Variants in ASAP1 observed in about 807,000 individuals in gnomAD.
ASAP1 encodes the protein arf-GAP with SH3 domain, ANK repeat and PH domain-containing protein 1.
In ASAP1, 43 loss-of-function variants were observed where a neutral mutation model predicts 145.2. That is an observed-to-expected ratio of 0.30 (90% confidence interval 0.23 to 0.38). ASAP1 has a LOEUF of 0.38. Ranked by LOEUF, ASAP1 falls within the 10% of genes least tolerant of loss-of-function variation. ASAP1 has a pLI of 1.00. For synonymous variants in ASAP1, 546 were observed against 515.5 expected (o/e 1.06, Z -0.80); for missense variants, 1,018 against 1,355.3 (o/e 0.75, Z 3.91).
At chr8:130,203,691 G>A (rs1358178655) in intron 5 of ASAP1, among the ~76,000 whole-genome samples, 1 of 152,210 alleles carries the variant, frequency 6.6e-6, no homozygotes, top group Non-Finnish European at 1.5e-5. Flanking sequence ...GGAAAGAAGT[G>A]GAAGAAGTGA....
intron 3 of ASAP1, among the ~76,000 whole-genome samples, chr8:130,272,708 T>C (rs2137088180): frequency 6.6e-6 from 1 of 152,328 alleles, no homozygotes; most frequent in South Asian, 2.1e-4. Flanking sequence ...ATGACATGGA[T>C]AGAACTGGAT....
chr8:130,129,576 C>G (rs529780293), intron 15 of ASAP1, among the ~76,000 whole-genome samples: 1 of 152,238 alleles, frequency 6.6e-6, no homozygotes, highest in East Asian at 1.9e-4. Flanking sequence ...TCTCAACAGA[C>G]AATACAGAGG....
At chr8:130,220,850 G>C (rs1817250176) in intron 4 of ASAP1, among the ~76,000 whole-genome samples, 1 of 152,142 alleles carries the variant, frequency 6.6e-6, no homozygotes, top group Non-Finnish European at 1.5e-5. Flanking sequence ...GGAGAAGTAT[G>C]AGTAAAGTGC....
rs58245112 is a variant in ASAP1 at position 130,256,739 on chromosome 8, T to TTATATATATA, written c.187-19755_187-19746dup. Among the ~76,000 whole-genome samples, 174 of 95,824 alleles carry TTATATATATA rather than the reference T, an allele frequency of 1.8e-3. 1 individual carries two copies. Among genetic ancestry groups the TTATATATATA allele is most frequent in the African/African-American group, 3.2e-3 (72 of 22,364 alleles). The allele number at this position is 95,824 out of a possible 152,430, so 62.9% of individuals were successfully genotyped here. On this transcript the variant is annotated intron_variant, in intron 3 of 29. Transcript: ENST00000518721. ...ATCTTCTTCCTGAATATACACATTCTTATATATATATATATATATATATAT... is the reference window on the plus strand; with the variant it reads ...ATCTTCTTCCTGAATATACACATTCTTATATATATATATATATATATATATATATATATAT...
At chr8:130,265,293 G>A (rs1036144853) in intron 3 of ASAP1, among the ~76,000 whole-genome samples, 2 of 152,280 alleles carry the variant, frequency 1.3e-5, no homozygotes, top group South Asian at 2.1e-4. Flanking sequence ...AAGATTGGCC[G>A]GGTGTGGTGG....
chr8:130,382,095 G>A (rs1014983202), intron 2 of ASAP1, among the ~76,000 whole-genome samples: 1 of 151,928 alleles, frequency 6.6e-6, no homozygotes, highest in Non-Finnish European at 1.5e-5. Flanking sequence ...GACCATCCTG[G>A]CTAACACGGT....
rs551323240 is a variant in ASAP1 at position 130,067,661 on chromosome 8, A to G, written c.2702-6592T>C. Among the ~76,000 whole-genome samples the G allele has an allele frequency of 4.6e-5, 7 of 152,248 alleles. 1 individual carries two copies. The highest frequency in any genetic ancestry group is 1.7e-4 in the African/African-American group (7 of 41,550). On this transcript the variant is annotated intron_variant, in intron 27 of 29. Coordinates refer to ENST00000518721, the MANE Select transcript of ASAP1 (RefSeq NM_018482.4). ...GGTGATCCTCCAGCTTGGGCCTCCC[A>G]AAGTGCTTGGATTACAGGTGTGAGC...
chr8:130,437,468 G>A (rs1428147823), intron 1 of ASAP1, among the ~76,000 whole-genome samples: 1 of 152,202 alleles, frequency 6.6e-6, no homozygotes, highest in African/African-American at 2.4e-5. Context: ...GGTGACTACA[G>A]TAGACCCCAG....
intron 5 of ASAP1, among the ~76,000 whole-genome samples, chr8:130,207,251 G>C (rs889343503): frequency 2.6e-5 from 4 of 152,162 alleles, no homozygotes; most frequent in African/African-American, 9.7e-5. Flanking sequence ...GTTATGTCTG[G>C]AGTTGGCTTT....
At chr8:130,167,671 G>C (rs1462347843) in intron 10 of ASAP1, 49 bp from the exon 11 acceptor site, 1 of 1,362,228 alleles carries the variant, frequency 7.3e-7, no homozygotes, top group East Asian at 2.3e-5. Context: ...ACTTTCACAG[G>C]CAGAGTTTAA....
chr8:130,169,312 T>C (rs187077678), intron 9 of ASAP1, among the ~76,000 whole-genome samples: 1 of 152,286 alleles, frequency 6.6e-6, no homozygotes, highest in Admixed American at 6.5e-5. Flanking sequence ...ATAGAAGATA[T>C]CACAAGGACA....
Position 130,092,418 on chromosome 8 carries a change from A to T in ASAP1, c.2402-275T>A, listed in dbSNP as rs181557633. The stretch of plus-strand genomic sequence containing the variant: ...GAGGTGGGAGGATTGCTTGAGGCCA[A>T]GAGTTTGAGACCAGCCTGGGTAACA... On this transcript the variant is annotated intron_variant, in intron 24 of 29. Coordinates refer to ENST00000518721, the MANE Select transcript of ASAP1 (RefSeq NM_018482.4). 7.2e-3 allele frequency among the ~76,000 whole-genome samples: 1,092 copies of T among 152,208 alleles called. 9 individuals carry two copies. The highest frequency in any genetic ancestry group is 0.011 in the Non-Finnish European group (756 of 68,008).
intron 13 of ASAP1, among the ~76,000 whole-genome samples, chr8:130,141,644 C>A (rs1020021313): frequency 3.3e-5 from 5 of 152,132 alleles, no homozygotes; most frequent in South Asian, 4.1e-4. Context: ...ACCTCCCAGG[C>A]GAAGTGATTG....
chr8:130,183,344 A>G (rs1814499047), intron 7 of ASAP1, among the ~76,000 whole-genome samples: 1 of 151,916 alleles, frequency 6.6e-6, no homozygotes, highest in Non-Finnish European at 1.5e-5. Flanking sequence ...TATTATTATT[A>G]TTGTTATTAT....
In ASAP1 at chr8:130,136,955, T is replaced by C. The variant is rs1565003065; in HGVS notation, c.1164A>G (p.Ile388Met). The C allele has an allele frequency of 6.2e-7, 1 of 1,613,768 alleles. No homozygotes were observed. Among genetic ancestry groups the C allele is most frequent in the East Asian group, 2.2e-5 (1 of 44,868 alleles). Residue 388 changes from isoleucine (I) to methionine (M), a missense_variant, in exon 14 of 30, where the codon ATA becomes ATG. Physicochemically the swap from Ile to Met is conservative, Grantham distance 10 (BLOSUM62 1). Transcript: ENST00000518721. The stretch of plus-strand genomic sequence containing the variant: ...AGAGAGAGAAAAAGGACTCACGTGA[T>C]ATCAGGTCAAAAGATTTTTTGTCTT... ...NAEDKKSFDLISHNRTYHFQA... is the reference protein window; with the variant it reads ...NAEDKKSFDLMSHNRTYHFQA...
At position 130,262,801 on chromosome 8, in the gene ASAP1, C is replaced by T. The variant is rs73409308; in HGVS notation, c.187-25807G>A. On this transcript the variant is annotated intron_variant, in intron 3 of 29. Transcript: ENST00000518721. ...TTCACATTTTTTACTTCAGCAGAAG[C>T]ATAAACACAAAAGCCTGTTCCATGA... Among the ~76,000 whole-genome samples the T allele has an allele frequency of 6.4e-3, 967 of 152,248 alleles. 8 individuals carry two copies. Among genetic ancestry groups the T allele is most frequent in the African/African-American group, 0.023 (935 of 41,544 alleles).
At chr8:130,276,108 ATGTCACAAAAAGAACCC>A (rs1269356303) in intron 3 of ASAP1, among the ~76,000 whole-genome samples, 1 of 152,166 alleles carries the variant, frequency 6.6e-6, no homozygotes, top group East Asian at 1.9e-4. Flanking sequence ...CTGACAAAAG[ATGTCACAAAAAGAACCC>A]TGCGGGCCTG....
intron 2 of ASAP1, among the ~76,000 whole-genome samples, chr8:130,366,636 G>A (rs1315742622): frequency 1.3e-5 from 2 of 152,114 alleles, no homozygotes; most frequent in Non-Finnish European, 1.5e-5. Flanking sequence ...TCTGGATTCA[G>A]ATTACCTGGG....
intron 3 of ASAP1, among the ~76,000 whole-genome samples, chr8:130,329,176 T>C (rs529341699): frequency 6.6e-6 from 1 of 152,300 alleles, no homozygotes; most frequent in South Asian, 2.1e-4. Flanking sequence ...CAACCACTGC[T>C]GCTGCCTCAT....
Sources: gnomAD v4.1 joint callset for allele counts (sites outside exome capture counted in the v4.1 genomes callset) on GRCh38, gnomAD v4.1.1 for gene constraint, MANE v1.5 for transcripts, NCBI Gene and HGNC (gene_info 2026-07-23, HGNC 2026-07-21) for gene names.